Variants in CSMD1 observed in about 807,000 individuals in gnomAD.
The protein encoded by CSMD1 is CUB and sushi domain-containing protein 1.
In CSMD1, 213 loss-of-function variants were observed where a neutral mutation model predicts 417.5. The ratio of observed to expected loss-of-function variants is 0.51; its 90% CI spans 0.46 to 0.57. CSMD1 has a LOEUF of 0.57. Among genes scored for constraint, CSMD1 ranks in the 20% least tolerant of loss-of-function variants. CSMD1 has a pLI of 0.00. For missense variants in CSMD1, 6,923 were observed against 4,529.7 expected, an observed-to-expected ratio of 1.53 and a Z score of -15.17; for synonymous variants, 2,862 against 1,736.8, an observed-to-expected ratio of 1.65 and a Z score of -16.11.
chr8:3,085,827 C>G (rs1814490467), intron 49 of CSMD1, among the ~76,000 whole-genome samples: 1 of 152,166 alleles, frequency 6.6e-6, no homozygotes, highest in African/African-American at 2.4e-5. Flanking sequence ...GATGGACTAG[C>G]ATGTGCCTGG....
At chr8:4,048,889 A>G (rs1176626414) in intron 3 of CSMD1, among the ~76,000 whole-genome samples, 1 of 152,216 alleles carries the variant, frequency 6.6e-6, no homozygotes, top group Non-Finnish European at 1.5e-5. Context: ...CAGCTGCTAC[A>G]TACAAAAATA....
intron 2 of CSMD1, among the ~76,000 whole-genome samples, chr8:4,607,526 C>G (rs1447495482): frequency 6.6e-6 from 1 of 152,144 alleles, no homozygotes; most frequent in Non-Finnish European, 1.5e-5. Context: ...CTGGATTCAA[C>G]ATGGTGCTGA....
At chr8:3,496,739 T>G (rs948639676) in intron 10 of CSMD1, among the ~76,000 whole-genome samples, 13 of 152,006 alleles carry the variant, frequency 8.6e-5, no homozygotes, top group African/African-American at 3.1e-4. Flanking sequence ...GGCAGGAGAA[T>G]CACTTGAACC....
chr8:4,631,864 G>C (rs1417761935), intron 2 of CSMD1, among the ~76,000 whole-genome samples: 1 of 152,034 alleles, frequency 6.6e-6, no homozygotes, highest in Non-Finnish European at 1.5e-5. Context: ...ATTTCCCTAG[G>C]CCTTGTATTT....
chr8:3,975,342 G>T (rs746004164), intron 5 of CSMD1, among the ~76,000 whole-genome samples: 7 of 152,086 alleles, frequency 4.6e-5, no homozygotes, highest in Non-Finnish European at 1.0e-4. Context: ...TTGTGGACAT[G>T]AACTGCAATA....
chr8:4,957,258 G>C (rs189807007), intron 1 of CSMD1, among the ~76,000 whole-genome samples: 3 of 152,252 alleles, frequency 2.0e-5, no homozygotes, highest in Admixed American at 6.5e-5. Flanking sequence ...CAGGAATCCT[G>C]GAGTCAGGCT....
At chr8:3,601,062 C>A (rs1584945236) in intron 8 of CSMD1, among the ~76,000 whole-genome samples, 1 of 152,098 alleles carries the variant, frequency 6.6e-6, no homozygotes, top group South Asian at 2.1e-4. Context: ...GATATCGTGG[C>A]AGCAAGCTTG....
At chr8:4,044,417 C>G (rs1288465025) in intron 3 of CSMD1, among the ~76,000 whole-genome samples, 1 of 152,070 alleles carries the variant, frequency 6.6e-6, no homozygotes, top group Non-Finnish European at 1.5e-5. Flanking sequence ...TGTGTCATTC[C>G]AAGCTCTAAA....
At chr8:3,097,889 T>A (rs1815436381) in intron 46 of CSMD1, among the ~76,000 whole-genome samples, 7 of 152,254 alleles carry the variant, frequency 4.6e-5, no homozygotes, top group Admixed American at 3.9e-4. Flanking sequence ...GCAGGAGCCC[T>A]GATTCCTAAG....
chr8:3,951,166 T>C (rs1811570741), intron 5 of CSMD1, among the ~76,000 whole-genome samples: 1 of 152,218 alleles, frequency 6.6e-6, no homozygotes, highest in Non-Finnish European at 1.5e-5. Flanking sequence ...ACAGAAGTTT[T>C]GAAGCAAATT....
intron 23 of CSMD1, among the ~76,000 whole-genome samples, chr8:3,331,742 A>G (rs1022538632): frequency 1.3e-5 from 2 of 152,216 alleles, no homozygotes; most frequent in African/African-American, 4.8e-5. Flanking sequence ...TGAACTTGGT[A>G]TCTGACCTTC....
At chr8:4,489,648 A>C (rs772067841) in intron 2 of CSMD1, among the ~76,000 whole-genome samples, 9 of 152,174 alleles carry the variant, frequency 5.9e-5, no homozygotes, top group Non-Finnish European at 1.2e-4. Context: ...ACAAGGAGCT[A>C]AGGTGACGGC....
chr8:4,933,421 G>C (rs1807389737), intron 1 of CSMD1, among the ~76,000 whole-genome samples: 1 of 152,100 alleles, frequency 6.6e-6, no homozygotes. Context: ...GTCATATTTT[G>C]GGTCTTTGTG....
At chr8:4,432,342 T>G (rs1440196355) in intron 2 of CSMD1, among the ~76,000 whole-genome samples, 4 of 152,270 alleles carry the variant, frequency 2.6e-5, no homozygotes, top group Non-Finnish European at 5.9e-5. Context: ...AAGGACTGCT[T>G]GTAGAATCCC....
chr8:4,522,412 G>A (rs999534632), intron 2 of CSMD1, among the ~76,000 whole-genome samples: 11 of 152,126 alleles, frequency 7.2e-5, no homozygotes, highest in African/African-American at 2.4e-4. Flanking sequence ...ATATAGTTAT[G>A]TATCAGAAAG....
intron 3 of CSMD1, among the ~76,000 whole-genome samples, chr8:4,241,862 A>G (rs533791293): frequency 1.6e-4 from 25 of 152,088 alleles, no homozygotes; most frequent in Non-Finnish European, 3.2e-4. Flanking sequence ...TTAAGTGCAA[A>G]AAAAGAGAGA....
At chr8:3,256,452 C>T (rs78394973) in intron 26 of CSMD1, among the ~76,000 whole-genome samples, 13,332 of 152,234 alleles carry the variant, frequency 0.088, 801 homozygotes, top group Non-Finnish European at 0.13. Flanking sequence ...GTCCCCTTCT[C>T]CTAACTTTTT....
chr8:4,418,581 T>G (rs1164827067), intron 3 of CSMD1, among the ~76,000 whole-genome samples: 2 of 152,178 alleles, frequency 1.3e-5, no homozygotes, highest in African/African-American at 4.8e-5. Flanking sequence ...ACAAATATTG[T>G]ATGTTAACAG....
At chr8:3,546,709 T>A (rs1369839430) in intron 10 of CSMD1, among the ~76,000 whole-genome samples, 3 of 152,110 alleles carry the variant, frequency 2.0e-5, no homozygotes, top group Non-Finnish European at 4.4e-5. Context: ...TCAATCAATG[T>A]AGGAATTACT....
Sources: allele counts gnomAD v4.1 joint callset (sites outside exome capture counted in the v4.1 genomes callset), GRCh38; gene constraint gnomAD v4.1.1; transcripts MANE v1.5; gene names NCBI Gene and HGNC (gene_info 2026-07-23, HGNC 2026-07-21).